Variants in GPC6 observed in about 807,000 individuals in gnomAD.
GPC6 encodes glypican 6.
In GPC6, 14 loss-of-function variants were observed where a neutral mutation model predicts 55.2. That is an observed-to-expected ratio of 0.25 (90% CI 0.17 to 0.40). The LOEUF is 0.40. Ranked by LOEUF, GPC6 falls within the 10% of genes least tolerant of loss-of-function variation. GPC6 has a pLI of 1.00. For missense variants in GPC6, 641 were observed against 708.5 expected (o/e 0.90, Z 1.08); for synonymous variants, 278 against 259.6 (o/e 1.07, Z -0.68).
chr13:93,437,838 G>A (rs1168261434), intron 1 of GPC6, among the ~76,000 whole-genome samples: 1 of 152,154 alleles, frequency 6.6e-6, no homozygotes, highest in African/African-American at 2.4e-5. Context: ...TCTATTAGAA[G>A]AAAATACCAT....
chr13:93,490,210 C>T (rs1336635061), intron 1 of GPC6, among the ~76,000 whole-genome samples: 1 of 151,378 alleles, frequency 6.6e-6, no homozygotes, highest in Admixed American at 6.6e-5. Context: ...GCCTTTTCTG[C>T]CTCTATTGAG....
chr13:93,353,114 G>A (rs892161274), intron 1 of GPC6, among the ~76,000 whole-genome samples: 1 of 152,134 alleles, frequency 6.6e-6, no homozygotes, highest in African/African-American at 2.4e-5. Context: ...TGTGAAATTT[G>A]GGAAGGATAA....
chr13:93,769,406 C>T (rs900543947), intron 2 of GPC6, among the ~76,000 whole-genome samples: 2 of 141,952 alleles, frequency 1.4e-5, no homozygotes, highest in African/African-American at 5.2e-5. Context: ...CAGAGAAACA[C>T]AAGCTGTGAG....
chr13:93,563,345 A>G (rs926771541), intron 2 of GPC6, among the ~76,000 whole-genome samples: 2 of 152,170 alleles, frequency 1.3e-5, no homozygotes, highest in African/African-American at 2.4e-5. Context: ...CAGCGATCCA[A>G]CCAAGCAACC....
rs547254212 is a variant in GPC6, at chr13:93,639,998, C to T, written c.319+94577C>T. Among the ~76,000 whole-genome samples, 3 of 152,222 alleles carry T rather than the reference C, an allele frequency of 2.0e-5. No individual in the cohort carries two copies. In the South Asian group the frequency reaches 6.2e-4, roughly 32 times the overall value. On this transcript the variant is annotated intron_variant, in intron 2 of 8. Coordinates refer to ENST00000377047, the MANE Select transcript of GPC6 (RefSeq NM_005708.5). ...GATATCTGAAAATGTCATTTATACTCATCACTACTTCCCAATAATTACTAC... is the reference window on the plus strand; with the variant it reads ...GATATCTGAAAATGTCATTTATACTTATCACTACTTCCCAATAATTACTAC...
At chr13:93,655,728 C>T (rs1880633701) in intron 2 of GPC6, among the ~76,000 whole-genome samples, 1 of 152,080 alleles carries the variant, frequency 6.6e-6, no homozygotes, top group Non-Finnish European at 1.5e-5. Context: ...TCTGCTAACA[C>T]CTGCCACAAG....
intron 3 of GPC6, among the ~76,000 whole-genome samples, chr13:93,889,905 T>C (rs1041565585): frequency 6.6e-6 from 1 of 152,078 alleles, no homozygotes; most frequent in African/African-American, 2.4e-5. Flanking sequence ...CATTTCACTG[T>C]TTTGAAGGAA....
rs373092089 is a variant in GPC6 at position 93,655,082 on chromosome 13, C to T, written c.319+109661C>T. On this transcript the variant is annotated intron_variant, in intron 2 of 8. Transcript: ENST00000377047. Reference sequence around the variant, plus strand: ...AGCCAGGATGTCTCGATCTCCTCGCCTCGTGATCCACCCGCCTCGGCCTCC... The same window carrying T: ...AGCCAGGATGTCTCGATCTCCTCGCTTCGTGATCCACCCGCCTCGGCCTCC... Among the ~76,000 whole-genome samples, 92 of 149,214 alleles carry T rather than the reference C, an allele frequency of 6.2e-4. 2 individuals carry two copies. In the South Asian group the frequency reaches 0.019, roughly 30 times the overall value.
intron 6 of GPC6, among the ~76,000 whole-genome samples, chr13:94,357,062 C>T (rs144654918): frequency 1.1e-4 from 17 of 152,126 alleles, no homozygotes; most frequent in Non-Finnish European, 2.2e-4. Flanking sequence ...GCTTTCCCAG[C>T]GCCATACCTG....
chr13:93,920,708 GC>G (rs1370141019), intron 3 of GPC6, among the ~76,000 whole-genome samples: 3 of 152,068 alleles, frequency 2.0e-5, no homozygotes, highest in East Asian at 3.9e-4. Flanking sequence ...CCCAGTGCCA[GC>G]CCCCTAGTTC....
chr13:94,198,863 T>C (rs1338371767), intron 4 of GPC6, among the ~76,000 whole-genome samples: 4 of 152,236 alleles, frequency 2.6e-5, no homozygotes, highest in African/African-American at 9.6e-5. Flanking sequence ...ACCCTGAAGC[T>C]GTATTTCATG....
At chr13:93,682,891 G>A (rs926998298) in intron 2 of GPC6, among the ~76,000 whole-genome samples, 9 of 150,750 alleles carry the variant, frequency 6.0e-5, no homozygotes, top group Non-Finnish European at 1.3e-4. Context: ...GGTAGTGCAC[G>A]CCTGTAATCC....
intron 1 of GPC6, among the ~76,000 whole-genome samples, chr13:93,534,396 CTGT>C: frequency 6.6e-6 from 1 of 152,008 alleles, no homozygotes; most frequent in Admixed American, 6.5e-5. Context: ...CACTTCATTT[CTGT>C]TGTTTGTCTG....
At chr13:93,359,239 T>A (rs1880962637) in intron 1 of GPC6, among the ~76,000 whole-genome samples, 4 of 152,174 alleles carry the variant, frequency 2.6e-5, no homozygotes, top group Admixed American at 2.0e-4. Flanking sequence ...GTGCCAGGAT[T>A]ACAGGCATGA....
At chr13:93,542,825 T>C (rs1183126215) in intron 1 of GPC6, among the ~76,000 whole-genome samples, 2 of 152,174 alleles carry the variant, frequency 1.3e-5, no homozygotes, top group Non-Finnish European at 2.9e-5. Flanking sequence ...GCTCTCTGTT[T>C]GTCTGTTATT....
intron 4 of GPC6, among the ~76,000 whole-genome samples, chr13:94,175,943 T>TAC (rs1888737266): frequency 1.1e-5 from 1 of 88,660 alleles, no homozygotes; most frequent in African/African-American, 4.0e-5. Context: ...GAGCCATATA[T>TAC]ATATATATAT....
chr13:93,478,355 C>T (rs747609653), intron 1 of GPC6, among the ~76,000 whole-genome samples: 2 of 152,058 alleles, frequency 1.3e-5, no homozygotes, highest in Non-Finnish European at 2.9e-5. Flanking sequence ...CCTGAAATCC[C>T]CATTTACAAA....
At chr13:93,859,653 C>CT (rs1398385415) in intron 3 of GPC6, among the ~76,000 whole-genome samples, 1 of 151,126 alleles carries the variant, frequency 6.6e-6, no homozygotes, top group Admixed American at 6.6e-5. Flanking sequence ...TTGTACATAT[C>CT]TTTTTTGGGG....
intron 3 of GPC6, among the ~76,000 whole-genome samples, chr13:94,023,910 A>C (rs1882795799): frequency 6.6e-6 from 1 of 152,098 alleles, no homozygotes; most frequent in South Asian, 2.1e-4. Flanking sequence ...TTATTTATAT[A>C]GAATTCTTGA....
Sources: gnomAD v4.1 joint callset for allele counts (sites outside exome capture counted in the v4.1 genomes callset) on GRCh38, gnomAD v4.1.1 for gene constraint, MANE v1.5 for transcripts, NCBI Gene and HGNC (gene_info 2026-07-23, HGNC 2026-07-21) for gene names.